Variants in CYP2C19 observed in about 807,000 individuals in gnomAD.
CYP2C19 encodes cytochrome P450 2C19.
CYP2C19 carries 59 observed loss-of-function variants against 40.9 expected under a neutral mutation model. That is an observed-to-expected ratio of 1.44 (90% CI 1.17 to 1.79). CYP2C19 has a LOEUF of 1.79. Ranked by LOEUF, CYP2C19 falls within the 40% of genes most tolerant of loss-of-function variation. CYP2C19 has a pLI of 0.00. For synonymous variants in CYP2C19, 253 were observed against 208.7 expected (o/e 1.21, Z -1.83); for missense variants, 754 against 596.9 (o/e 1.26, Z -2.74).
At chr10:94,790,328 A>G (rs572405149) in intron 5 of CYP2C19, among the ~76,000 whole-genome samples, 128 of 152,190 alleles carry the variant, frequency 8.4e-4, no homozygotes, top group Non-Finnish European at 1.6e-3. Context: ...CTAATTGAAT[A>G]CCCTTTATTT....
intron 5 of CYP2C19, among the ~76,000 whole-genome samples, chr10:94,814,388 C>T (rs2260939): frequency 1.0e-3 from 156 of 150,800 alleles, no homozygotes; most frequent in African/African-American, 1.8e-3. Context: ...ATGTTGTGTC[C>T]CTGAATTTAT....
chr10:94,850,526 T>G (rs893325042), intron 8 of CYP2C19, among the ~76,000 whole-genome samples: 4 of 152,056 alleles, frequency 2.6e-5, no homozygotes, highest in African/African-American at 9.7e-5. Context: ...GAAAGCAGAG[T>G]AAACAGATCA....
At position 94,842,916 on chromosome 10, in the gene CYP2C19, C is replaced by T; in HGVS notation, c.1041C>T (p.Tyr347=). 1.2e-6 allele frequency: 2 copies of T among 1,614,196 alleles called. No homozygotes were observed. Among genetic ancestry groups the T allele is most frequent in the Non-Finnish European group, 8.5e-7 (1 of 1,180,030 alleles). The part of the protein sequence containing the change: ...PCMQDRGHMP[Y]TDAVVHEVQR... The stretch of plus-strand genomic sequence containing the variant: ...TGCAGGACAGGGGCCACATGCCCTA[C>T]ACAGATGCTGTGGTGCACGAGGTCC... Residue 347 remains tyrosine (Y), a synonymous_variant, in exon 7 of 9, where the codon TAC becomes TAT. Coordinates refer to ENST00000371321, the MANE Select transcript of CYP2C19 (RefSeq NM_000769.4).
intron 5 of CYP2C19, among the ~76,000 whole-genome samples, chr10:94,816,252 TTTTC>T (rs1372844671): frequency 6.6e-6 from 1 of 151,382 alleles, no homozygotes; most frequent in African/African-American, 2.4e-5. Context: ...TTCTTTTTTT[TTTTC>T]TTTATTTTTA....
In CYP2C19 at chr10:94,775,332, T is replaced by A. The variant is rs887740719; in HGVS notation, c.332-58T>A. ...GGCCCATCCACATGGCTGCCCAGTG[T>A]CAGCTTCCTCTTTCTTGCCTGGGAT... is the stretch of plus-strand genomic sequence containing the variant. On this transcript the variant is annotated intron_variant, in intron 2 of 8. Coordinates refer to ENST00000371321, the MANE Select transcript of CYP2C19 (RefSeq NM_000769.4). The A allele has an allele frequency of 1.9e-5, 30 of 1,612,372 alleles. No individual in the cohort carries two copies. The African/African-American group carries it at 3.7e-4, about 20-fold the overall frequency.
At position 94,778,671 on chromosome 10, in the gene CYP2C19, T is replaced by C. The variant is rs1848442290; in HGVS notation, c.482-1828T>C. Among the ~76,000 whole-genome samples the C allele has an allele frequency of 3.9e-5, 6 of 152,120 alleles. No homozygotes were observed. The South Asian group carries it at 1.0e-3, about 26-fold the overall frequency. On this transcript the variant is annotated intron_variant, in intron 3 of 8. Transcript: ENST00000371321. ...AAAGCTTTTACACTGTTGGTGGAAGTGTAAATTATTTCAACCACTGTGGAA... is the reference window on the plus strand; with the variant it reads ...AAAGCTTTTACACTGTTGGTGGAAGCGTAAATTATTTCAACCACTGTGGAA...
rs1848465931 is a variant in CYP2C19, at chr10:94,780,562, T to A, written c.545T>A (p.Ile182Asn). The A allele has an allele frequency of 6.2e-7, 1 of 1,613,972 alleles. No homozygotes were observed. Among genetic ancestry groups the A allele is most frequent in the South Asian group, 1.1e-5 (1 of 91,080 alleles). Reference protein sequence around the residue: ...CAPCNVICSIIFQKRFDYKDQ... With the variant: ...CAPCNVICSINFQKRFDYKDQ... The stretch of plus-strand genomic sequence containing the variant: ...CCCTGCAATGTGATCTGCTCCATTA[T>A]TTTCCAGAAACGTTTCGATTATAAA... Residue 182 changes from isoleucine to asparagine, a missense_variant, in exon 4 of 9, where the codon ATT becomes AAT. By Grantham distance (149) the Ile-to-Asn change is moderately radical. Transcript: ENST00000371321.
intron 1 of CYP2C19, 81 bp from the exon 2 acceptor site, chr10:94,774,977 T>A: frequency 7.0e-7 from 1 of 1,438,542 alleles, no homozygotes; most frequent in South Asian, 1.3e-5. Flanking sequence ...ACAAATACAA[T>A]GAAAATATGA....
chr10:94,813,283 C>T (rs983851356), intron 5 of CYP2C19, among the ~76,000 whole-genome samples: 22 of 151,938 alleles, frequency 1.4e-4, no homozygotes, highest in Non-Finnish European at 1.5e-4. Flanking sequence ...AGCCAAAGCT[C>T]TTTTGTATGA....
At chr10:94,816,807 C>T (rs1246120794) in intron 5 of CYP2C19, among the ~76,000 whole-genome samples, 4 of 149,094 alleles carry the variant, frequency 2.7e-5, no homozygotes, top group African/African-American at 9.9e-5. Context: ...CAATTCCCAC[C>T]TATGAGTGAG....
chr10:94,796,214 T>A (rs1038367703), intron 5 of CYP2C19, among the ~76,000 whole-genome samples: 3 of 152,174 alleles, frequency 2.0e-5, no homozygotes, highest in African/African-American at 7.2e-5. Flanking sequence ...GCTTTCTCCA[T>A]ATGGCTAGCC....
intron 6 of CYP2C19, among the ~76,000 whole-genome samples, chr10:94,842,583 C>A (rs1399071202): frequency 2.0e-5 from 3 of 151,824 alleles, no homozygotes; most frequent in African/African-American, 7.3e-5. Flanking sequence ...TCATTTCTTC[C>A]TGCCTTCCTT....
At chr10:94,842,415 G>A (rs1404430879) in intron 6 of CYP2C19, among the ~76,000 whole-genome samples, 5 of 89,294 alleles carry the variant, frequency 5.6e-5, no homozygotes, top group South Asian at 3.7e-4. Context: ...TTTTTTTTTA[G>A]GCAACAGATT....
intron 1 of CYP2C19, among the ~76,000 whole-genome samples, chr10:94,769,546 T>C (rs1848298391): frequency 6.6e-6 from 1 of 152,184 alleles, no homozygotes; most frequent in Admixed American, 6.5e-5. Context: ...TATAGAGGAA[T>C]TACTGCCTCA....
intron 1 of CYP2C19, among the ~76,000 whole-genome samples, chr10:94,772,044 C>T (rs1232709442): frequency 6.6e-6 from 1 of 152,072 alleles, no homozygotes; most frequent in African/African-American, 2.4e-5. Context: ...TAAGTGTTCT[C>T]CTGTTAGTAT....
chr10:94,792,587 G>A (rs1183231036), intron 5 of CYP2C19, among the ~76,000 whole-genome samples: 1 of 152,130 alleles, frequency 6.6e-6, no homozygotes, highest in African/African-American at 2.4e-5. Flanking sequence ...CGTCTGTAAA[G>A]GATTTTATTT....
At position 94,842,963 on chromosome 10, in the gene CYP2C19, C is replaced by T; in HGVS notation, c.1088C>T (p.Pro363Leu). Residue 363 changes from proline (P) to leucine (L), a missense_variant, in exon 7 of 9, where the codon CCC becomes CTC. By Grantham distance (98) the Pro-to-Leu change is moderately conservative. Coordinates refer to ENST00000371321, the MANE Select transcript of CYP2C19 (RefSeq NM_000769.4). ...GTCCAGAGATACATCGACCTCATCC[C>T]CACCAGCCTGCCCCATGCAGTGACC... is the stretch of plus-strand genomic sequence containing the variant. ...HEVQRYIDLI[P>L]TSLPHAVTCD... The T allele has an allele frequency of 6.2e-7, 1 of 1,614,202 alleles. No individual in the cohort carries two copies. The highest frequency in any genetic ancestry group is 8.5e-7 in the Non-Finnish European group (1 of 1,180,036).
Position 94,800,706 on chromosome 10 carries a change from T to A in CYP2C19, c.819+18709T>A, listed in dbSNP as rs2134252800. Among the ~76,000 whole-genome samples the A allele has an allele frequency of 2.0e-5, 3 of 152,346 alleles. No homozygotes were observed. In the South Asian group the frequency reaches 6.2e-4, roughly 32 times the overall value. On this transcript the variant is annotated intron_variant, in intron 5 of 8. Transcript: ENST00000371321. ...AAGCTTCCCAGCCCCTTTGTTTATC[T>A]ACTCAAGCCTTAGCAATGGTGGATG...
At chr10:94,832,615 G>A (rs932717513) in intron 6 of CYP2C19, among the ~76,000 whole-genome samples, 5 of 152,108 alleles carry the variant, frequency 3.3e-5, no homozygotes, top group Admixed American at 6.5e-5. Flanking sequence ...TGTTCCATTG[G>A]TCTATGTGTC....
Sources: gnomAD v4.1 joint callset for allele counts (sites outside exome capture counted in the v4.1 genomes callset) on GRCh38, gnomAD v4.1.1 for gene constraint, MANE v1.5 for transcripts, NCBI Gene and HGNC (gene_info 2026-07-23, HGNC 2026-07-21) for gene names.